GRIA1: variants seen among roughly 807,000 people sequenced by gnomAD.
The protein encoded by GRIA1 is glutamate receptor 1.
A neutral mutation model predicts 99.2 loss-of-function variants in GRIA1; 31 were observed. That is an observed-to-expected ratio of 0.31 (90% confidence interval 0.23 to 0.42). The LOEUF (loss-of-function observed/expected upper bound fraction) is 0.42. Ranked by LOEUF, GRIA1 falls within the 10% of genes least tolerant of loss-of-function variation. GRIA1 has a pLI of 1.00. For missense variants in GRIA1, 782 were observed against 1,157.5 expected, an observed-to-expected ratio of 0.68 and a Z score of 4.71; for synonymous variants, 438 against 432.4, an observed-to-expected ratio of 1.01 and a Z score of -0.16.
intron 2 of GRIA1, among the ~76,000 whole-genome samples, chr5:153,559,440 T>C (rs1185221552): frequency 6.6e-6 from 1 of 152,214 alleles, no homozygotes; most frequent in Non-Finnish European, 1.5e-5. Flanking sequence ...ATCACTTTAA[T>C]GTCTCTTGCT....
chr5:153,700,808 C>A (rs1332126240), intron 10 of GRIA1, among the ~76,000 whole-genome samples: 1 of 152,038 alleles, frequency 6.6e-6, no homozygotes, highest in East Asian at 1.9e-4. Flanking sequence ...GCCATGATGG[C>A]CCTGAGAGAC....
At chr5:153,567,811 G>A (rs1220142563) in intron 2 of GRIA1, among the ~76,000 whole-genome samples, 2 of 152,136 alleles carry the variant, frequency 1.3e-5, no homozygotes, top group Admixed American at 1.3e-4. Flanking sequence ...GAGTGACAGT[G>A]TGGTGAATAA....
rs146117569 is a variant in GRIA1 at position 153,764,336 on chromosome 5, C to T, written c.1824-98C>T. ...TGAGAAGGGTGCAATAGGGCCTGAC[C>T]GCTCTGCTGCCAAGCCCCGGACCCG... On this transcript the variant is annotated intron_variant, in intron 11 of 15. Transcript: ENST00000285900. 8.2e-3 allele frequency: 7,018 copies of T among 851,314 alleles called. 42 individuals carry two copies. The highest frequency in any genetic ancestry group is 0.01 in the Non-Finnish European group (5,155 of 492,900). The allele number at this position is 851,314 out of a possible 1,614,324, so 52.7% of individuals were successfully genotyped here.
At chr5:153,520,036 C>T (rs528295723) in intron 2 of GRIA1, among the ~76,000 whole-genome samples, 19 of 152,180 alleles carry the variant, frequency 1.2e-4, no homozygotes, top group African/African-American at 4.6e-4. Context: ...CTGTTAGGTT[C>T]GTAGTAACAA....
chr5:153,584,509 C>A (rs1218627491), intron 2 of GRIA1, among the ~76,000 whole-genome samples: 2 of 152,190 alleles, frequency 1.3e-5, no homozygotes, highest in East Asian at 1.9e-4. Flanking sequence ...ACAGCAGATG[C>A]ATTTAAAGTC....
intron 11 of GRIA1, among the ~76,000 whole-genome samples, chr5:153,714,507 C>T (rs753437657): frequency 7.9e-5 from 12 of 152,070 alleles, no homozygotes; most frequent in Non-Finnish European, 1.6e-4. Flanking sequence ...TTCCTGTATC[C>T]AGAGAAACCT....
chr5:153,553,899 C>T (rs898037149), intron 2 of GRIA1, among the ~76,000 whole-genome samples: 11 of 152,042 alleles, frequency 7.2e-5, no homozygotes, highest in African/African-American at 1.9e-4. Context: ...GTGGTGGCAG[C>T]AGGGGGGACC....
chr5:153,710,330 C>T (rs1759223860), intron 11 of GRIA1, among the ~76,000 whole-genome samples: 1 of 152,036 alleles, frequency 6.6e-6, no homozygotes, highest in Non-Finnish European at 1.5e-5. Flanking sequence ...TCAAGCCATC[C>T]TCCTACCTCA....
At chr5:153,532,070 G>T (rs1317441491) in intron 2 of GRIA1, among the ~76,000 whole-genome samples, 1 of 152,136 alleles carries the variant, frequency 6.6e-6, no homozygotes, top group Non-Finnish European at 1.5e-5. Context: ...TTATTGCAGG[G>T]TGTAGGGGGT....
intron 11 of GRIA1, among the ~76,000 whole-genome samples, chr5:153,745,631 T>C (rs1175051435): frequency 2.1e-5 from 3 of 145,196 alleles, no homozygotes; most frequent in African/African-American, 7.6e-5. Context: ...AAAGAAATTA[T>C]AGGTATTCAC....
At chr5:153,780,514 T>C (rs1764565210) in intron 13 of GRIA1, among the ~76,000 whole-genome samples, 1 of 152,260 alleles carries the variant, frequency 6.6e-6, no homozygotes, top group African/African-American at 2.4e-5. Context: ...CTCTGGCATT[T>C]ATTTCCATAG....
At chr5:153,780,071 A>AAGAAAG (rs1764535512) in intron 13 of GRIA1, among the ~76,000 whole-genome samples, 1 of 152,202 alleles carries the variant, frequency 6.6e-6, no homozygotes, top group Non-Finnish European at 1.5e-5. Flanking sequence ...CTGCTGATAC[A>AAGAAAG]CAAATTGCAT....
At chr5:153,554,457 G>A (rs1191767781) in intron 2 of GRIA1, among the ~76,000 whole-genome samples, 1 of 152,074 alleles carries the variant, frequency 6.6e-6, no homozygotes, top group African/African-American at 2.4e-5. Flanking sequence ...CAGTAAATCT[G>A]GGGTGGGGCT....
chr5:153,538,543 A>G (rs912031010), intron 2 of GRIA1, among the ~76,000 whole-genome samples: 2 of 152,040 alleles, frequency 1.3e-5, no homozygotes, highest in South Asian at 2.1e-4. Context: ...TCACTACATG[A>G]AGTAAGAATA....
chr5:153,570,811 T>C (rs1762047339), intron 2 of GRIA1, among the ~76,000 whole-genome samples: 1 of 152,182 alleles, frequency 6.6e-6, no homozygotes, highest in Non-Finnish European at 1.5e-5. Flanking sequence ...AGTAAGTGCT[T>C]CATAACAATT....
At chr5:153,690,101 G>A (rs1468214460) in intron 8 of GRIA1, among the ~76,000 whole-genome samples, 1 of 152,042 alleles carries the variant, frequency 6.6e-6, no homozygotes, top group African/African-American at 2.4e-5. Flanking sequence ...CAGCCCCTGG[G>A]TACTCTGCTT....
At chr5:153,599,027 G>T (rs973027894) in intron 2 of GRIA1, among the ~76,000 whole-genome samples, 1 of 152,002 alleles carries the variant, frequency 6.6e-6, no homozygotes, top group Non-Finnish European at 1.5e-5. Context: ...AACTGCAGGC[G>T]CCCGCCACCA....
intron 4 of GRIA1, among the ~76,000 whole-genome samples, chr5:153,651,576 A>G (rs1754578221): frequency 6.6e-6 from 1 of 152,246 alleles, no homozygotes; most frequent in South Asian, 2.1e-4. Context: ...GTACTTGACA[A>G]CATGACAAAG....
intron 2 of GRIA1, among the ~76,000 whole-genome samples, chr5:153,505,501 T>C (rs903754085): frequency 1.3e-5 from 2 of 152,194 alleles, no homozygotes; most frequent in African/African-American, 2.4e-5. Context: ...GAAAGGTAAA[T>C]ACAGTAAGTA....
Sources: allele counts gnomAD v4.1 joint callset (sites outside exome capture counted in the v4.1 genomes callset), GRCh38; gene constraint gnomAD v4.1.1; transcripts MANE v1.5; gene names NCBI Gene and HGNC (gene_info 2026-07-23, HGNC 2026-07-21).